The following NLRP1 variants were observed in gnomAD, a reference collection of about 807,000 sequenced individuals.
NLRP1 encodes NLR family pyrin domain containing 1, also known as NACHT, LRR and PYD domains-containing protein 1.
NLRP1 carries 94 observed loss-of-function variants against 136.7 expected under a neutral mutation model. The observed-to-expected ratio is 0.69, with a 90% confidence interval of 0.58 to 0.82. The LOEUF (loss-of-function observed/expected upper bound fraction) is 0.82. Among genes scored for constraint, NLRP1 ranks in the 40% least tolerant of loss-of-function variants. NLRP1 has a pLI of 0.00. For synonymous variants in NLRP1, 690 were observed against 725.1 expected (o/e 0.95, Z 0.78); for missense variants, 1,575 against 1,802.7 (o/e 0.87, Z 2.29).
chr17:5,511,632 G>T (rs1355117399), downstream of NLRP1, among the ~76,000 whole-genome samples: 2 of 152,144 alleles, frequency 1.3e-5, no homozygotes, highest in Non-Finnish European at 2.9e-5. Context: ...GGACTTGCTG[G>T]GATGAGGGAC....
intron 2 of NLRP1, 133 bp downstream of exon 2, chr17:5,582,537 T>C: frequency 1.2e-6 from 1 of 833,602 alleles, no homozygotes; most frequent in South Asian, 1.7e-5. Flanking sequence ...TCACAGCCCA[T>C]CCTGGCTCCC....
At chr17:5,568,983 T>C (rs1915604814) in intron 3 of NLRP1, among the ~76,000 whole-genome samples, 2 of 152,040 alleles carry the variant, frequency 1.3e-5, no homozygotes, top group African/African-American at 4.8e-5. Flanking sequence ...CACCTACCAC[T>C]ATGACTGTGC....
chr17:5,553,462 T>G lies in NLRP1; in HGVS notation c.2452A>C (p.Asn818His). 6.2e-7 allele frequency: 1 copy of G among 1,614,180 alleles called. No homozygotes were observed. The highest frequency in any genetic ancestry group is 8.5e-7 in the Non-Finnish European group (1 of 1,180,030). ...TTCACTGCAGAGTGGCTCAGCGAGT[T>G]TCCACTTAGGTCCAGCTCCTTCAGG... is the stretch of plus-strand genomic sequence containing the variant. ...RNLKELDLSG[N>H]SLSHSAVKSL... Residue 818 changes from asparagine (N) to histidine (H), a missense_variant, in exon 5 of 17, where the codon AAC becomes CAC. Transcript: ENST00000572272.
At chr17:5,555,785 T>G (rs967703661) in intron 4 of NLRP1, among the ~76,000 whole-genome samples, 17 of 152,140 alleles carry the variant, frequency 1.1e-4, no homozygotes, top group African/African-American at 3.6e-4. Flanking sequence ...AATGGTGTTG[T>G]ATCAGACTAC....
intron 15 of NLRP1, among the ~76,000 whole-genome samples, chr17:5,506,748 A>AAAG (rs1187954598): frequency 1.3e-5 from 2 of 151,156 alleles, no homozygotes; most frequent in Non-Finnish European, 3.0e-5. Context: ...AAAAAAAAAA[A>AAAG]AAAATTAGCT....
chr17:5,510,816 T>G (rs145044958), downstream of NLRP1, among the ~76,000 whole-genome samples: 53 of 152,270 alleles, frequency 3.5e-4, no homozygotes, highest in Middle Eastern at 3.4e-3. Flanking sequence ...CATGGGTGCG[T>G]ATTTCGTATC....
intron 5 of NLRP1, among the ~76,000 whole-genome samples, chr17:5,548,577 A>G (rs1017112151): frequency 2.6e-5 from 4 of 152,158 alleles, no homozygotes; most frequent in Admixed American, 6.5e-5. Flanking sequence ...CCTTTTCACT[A>G]TCAAAGTCTT....
intron 12 of NLRP1, among the ~76,000 whole-genome samples, chr17:5,523,416 T>C (rs571882647): frequency 1.1e-4 from 16 of 152,364 alleles, no homozygotes; most frequent in Non-Finnish European, 2.2e-4. Flanking sequence ...ATTTTCCTGA[T>C]GTGACCTTGG....
intron 15 of NLRP1, chr17:5,503,451 G>A (rs1239707604): frequency 6.6e-6 from 1 of 152,286 alleles, no homozygotes; most frequent in African/African-American, 2.4e-5. Flanking sequence ...TTTGCATATT[G>A]AGAAGATGTG....
At chr17:5,525,266 G>C (rs540904258) in intron 12 of NLRP1, among the ~76,000 whole-genome samples, 1 of 152,364 alleles carries the variant, frequency 6.6e-6, no homozygotes, top group African/African-American at 2.4e-5. Context: ...GCTGTGAACA[G>C]GAAAGACATG....
In NLRP1 at chr17:5,537,728, C is replaced by T. The variant is rs561981298; in HGVS notation, c.2871-788G>A. ...AAGGTTATTCTTCTCAACTAAGTCC[C>T]GGCTCCAGGAGGGAAGGAGGTGGAA... is the stretch of plus-strand genomic sequence containing the variant. On this transcript the variant is annotated intron_variant, in intron 7 of 16. Coordinates refer to ENST00000572272, the MANE Select transcript of NLRP1 (RefSeq NM_033004.4). The surrounding 1 kb of genome is among the most constrained non-coding windows in gnomAD (Gnocchi z 4.5). Among the ~76,000 whole-genome samples, 131 of 152,294 alleles carry T rather than the reference C, an allele frequency of 8.6e-4. No individual in the cohort carries two copies. Among genetic ancestry groups the T allele is most frequent in the African/African-American group, 2.3e-3 (94 of 41,554 alleles).
rs1473729512 is a variant in NLRP1 at position 5,581,263 on chromosome 17, G to T, written c.652+596C>A. Among the ~76,000 whole-genome samples the T allele has an allele frequency of 2.6e-5, 4 of 152,228 alleles. No individual in the cohort carries two copies. The East Asian group carries it at 7.7e-4, about 29-fold the overall frequency. On this transcript the variant is annotated intron_variant, in intron 3 of 16. Transcript: ENST00000572272. ...TTGCCCAGATGAGGGCACTCCCTGT[G>T]TAAGAGTTAAAAGTGTGGATTGCTG...
intron 15 of NLRP1, among the ~76,000 whole-genome samples, chr17:5,506,902 CA>C (rs199684717): frequency 0.073 from 6,380 of 87,862 alleles, 107 homozygotes; most frequent in African/African-American, 0.13. Context: ...AACTCCATCT[CA>C]AAAAAAAAAA....
In NLRP1 at chr17:5,514,679, C is replaced by T; in HGVS notation, c.*75G>A. On this transcript the variant is annotated 3_prime_UTR_variant, in exon 17 of 17. Coordinates refer to ENST00000572272, the MANE Select transcript of NLRP1 (RefSeq NM_033004.4). The stretch of plus-strand genomic sequence containing the variant: ...GGCAAACCAGATGGCAACTTGTTTG[C>T]AGAGAAAGAAACTGAGACCCAAAGA... 3 of 1,572,760 alleles carry T rather than the reference C, an allele frequency of 1.9e-6. No homozygotes were observed. Among genetic ancestry groups the T allele is most frequent in the Admixed American group, 1.8e-5 (1 of 55,464 alleles).
At chr17:5,564,472 G>C (rs1407220222) in intron 3 of NLRP1, among the ~76,000 whole-genome samples, 1 of 152,058 alleles carries the variant, frequency 6.6e-6, no homozygotes, top group Non-Finnish European at 1.5e-5. Context: ...CCTGTGCCTG[G>C]CTTATTTCAC....
chr17:5,559,318 TC>T lies in NLRP1; in HGVS notation c.1377del (p.Thr460ProfsTer17). Reference protein sequence around the residue: ...LPEASFLITARTTALQNLIPS... With the variant: ...LPEASFLITAXTTALQNLIPS... The stretch of plus-strand genomic sequence containing the variant: ...GGAATGAGGTTCTGCAGAGCTGTGG[TC>T]CGAGCCGTGATCAGGAAGGATGCCT... On this transcript the variant is annotated frameshift_variant, in exon 4 of 17. Coordinates refer to ENST00000572272, the MANE Select transcript of NLRP1 (RefSeq NM_033004.4). LOFTEE classifies it high-confidence loss of function. The T allele has an allele frequency of 6.2e-7, 1 of 1,614,098 alleles. No individual in the cohort carries two copies. Among genetic ancestry groups the T allele is most frequent in the Non-Finnish European group, 8.5e-7 (1 of 1,179,962 alleles).
chr17:5,567,529 G>C (rs939911054), intron 3 of NLRP1, among the ~76,000 whole-genome samples: 2 of 151,940 alleles, frequency 1.3e-5, no homozygotes, highest in African/African-American at 4.8e-5. Flanking sequence ...ACTGTGTCTT[G>C]AAAAGTTGTT....
At chr17:5,530,061 G>A in intron 12 of NLRP1, 1 of 457,644 alleles carries the variant, frequency 2.2e-6, no homozygotes, top group Non-Finnish European at 4.4e-6. Context: ...CTCCCTGCCT[G>A]TAGGAGTAGT....
intron 6 of NLRP1, among the ~76,000 whole-genome samples, chr17:5,540,736 A>C (rs1911764870): frequency 6.6e-6 from 1 of 152,140 alleles, no homozygotes; most frequent in South Asian, 2.1e-4. Flanking sequence ...TGATACTAGG[A>C]GAGGATCCTC....
Sources: gnomAD v4.1 joint callset for allele counts (sites outside exome capture counted in the v4.1 genomes callset) on GRCh38, gnomAD v4.1.1 for gene constraint, Gnocchi (gnomAD v3.1) non-coding constraint, MANE v1.5 for transcripts, NCBI Gene and HGNC (gene_info 2026-07-23, HGNC 2026-07-21) for gene names.